The following ZNF816 variants were observed in gnomAD, a reference collection of about 807,000 sequenced individuals.
The protein encoded by ZNF816 is zinc finger protein 816A.
ZNF816 carries 11 observed loss-of-function variants against 8.3 expected under a neutral mutation model. The observed-to-expected ratio is 1.32, with a 90% CI of 0.83 to 2.19. ZNF816 has a LOEUF of 2.19. ZNF816 is among the 30% of genes most tolerant of loss of function. The probability of loss-of-function intolerance (pLI) is 0.00; values close to 1 mark genes in which losing one functional copy is unlikely to be tolerated. For missense variants in ZNF816, 710 were observed against 779.3 expected (o/e 0.91, Z 1.06); for synonymous variants, 255 against 254.5 (o/e 1.00, Z -0.02).
chr19:52,961,126 A>G (rs1055782510), intron 1 of ZNF816, among the ~76,000 whole-genome samples: 1 of 152,234 alleles, frequency 6.6e-6, no homozygotes, highest in Non-Finnish European at 1.5e-5. Context: ...TCTTATTTGT[A>G]TAATTCCACT....
chr19:52,951,083 C>T lies in ZNF816; in HGVS notation c.692G>A (p.Ser231Asn). 6.2e-7 allele frequency: 1 copy of T among 1,614,020 alleles called. No individual in the cohort carries two copies. Residue 231 changes from serine to asparagine, a missense_variant, in exon 4 of 4, where the codon AGT (serine) becomes AAT (asparagine). Physicochemically the swap from Ser to Asn is conservative, Grantham distance 46. Transcript: ENST00000444460. ...EICMREKPCQSNECGKAFNYS... is the reference protein window; with the variant it reads ...EICMREKPCQNNECGKAFNYS... Reference sequence around the variant, plus strand: ...ATTAAAGGCTTTGCCACACTCATTACTTTGGCAAGGTTTTTCTCTCATGCA... The same window carrying T: ...ATTAAAGGCTTTGCCACACTCATTATTTTGGCAAGGTTTTTCTCTCATGCA...
intron 1 of ZNF816, among the ~76,000 whole-genome samples, chr19:52,958,924 T>C (rs1308689326): frequency 2.0e-5 from 3 of 152,224 alleles, no homozygotes; most frequent in Non-Finnish European, 2.9e-5. Context: ...AAGCCTTTCA[T>C]GAGTTAAAAG....
intron 2 of ZNF816, among the ~76,000 whole-genome samples, chr19:52,953,558 AATATGTATT>A: frequency 2.2e-5 from 1 of 45,200 alleles, no homozygotes; most frequent in South Asian, 6.5e-4. Flanking sequence ...TATTATATAT[AATATGTATT>A]TATAAAATAT....
chr19:52,954,468 C>G (rs888267767), intron 2 of ZNF816, among the ~76,000 whole-genome samples: 1 of 152,184 alleles, frequency 6.6e-6, no homozygotes, highest in Non-Finnish European at 1.5e-5. Context: ...AAAGAGTGAG[C>G]TATCTTGTTT....
intron 3 of ZNF816, 47 bp downstream of exon 3, chr19:52,952,704 G>T (rs760280625): frequency 3.7e-6 from 6 of 1,608,820 alleles, no homozygotes; most frequent in Non-Finnish European, 5.1e-6. Context: ...AAAGAGCCAA[G>T]ATAGACAAGT....
At chr19:52,952,624 C>T (rs2011496) in intron 3 of ZNF816, 127 bp downstream of exon 3, 635,585 of 1,535,142 alleles carry the variant, frequency 0.41, 140,368 homozygotes, top group African/African-American at 0.84. Context: ...GGGTCATCAC[C>T]GCAGAAAACA....
chr19:52,959,815 T>C (rs1045404774), intron 1 of ZNF816, among the ~76,000 whole-genome samples: 2 of 152,134 alleles, frequency 1.3e-5, no homozygotes, highest in Non-Finnish European at 2.9e-5. Flanking sequence ...ACCAGCGAGC[T>C]TCCACCTCGG....
Position 52,958,206 on chromosome 19 carries a change from AT to A in ZNF816, c.-15-2103del, listed in dbSNP as rs577324204. Among the ~76,000 whole-genome samples, 172 of 152,280 alleles carry A rather than the reference AT, an allele frequency of 1.1e-3. 1 individual carries two copies. Among genetic ancestry groups the A allele is most frequent in the Middle Eastern group, 0.01 (3 of 294 alleles). On this transcript the variant is annotated intron_variant, in intron 1 of 3. Transcript: ENST00000444460. The stretch of plus-strand genomic sequence containing the variant: ...CTGCCTGTTCCCACGCCAGGGACCA[AT>A]GACTACAGGCCGGTACAGGACTTGC...
intron 1 of ZNF816, among the ~76,000 whole-genome samples, chr19:52,959,002 TGA>T (rs762021828): frequency 2.0e-5 from 3 of 152,244 alleles, no homozygotes; most frequent in Non-Finnish European, 4.4e-5. Flanking sequence ...TGTATGTTTC[TGA>T]GAGAGAAAAT....
At chr19:52,959,722 CAT>C (rs769427508) in intron 1 of ZNF816, among the ~76,000 whole-genome samples, 1 of 152,184 alleles carries the variant, frequency 6.6e-6, no homozygotes, top group South Asian at 2.1e-4. Flanking sequence ...GAGAAAAAGA[CAT>C]AAAATATCAG....
rs1009094615 is a variant in ZNF816 at position 52,957,747 on chromosome 19, C to T, written c.-15-1643G>A. 1.3e-5 allele frequency among the ~76,000 whole-genome samples: 2 copies of T among 152,158 alleles called. No homozygotes were observed. The highest frequency in any genetic ancestry group is 2.9e-5 in the Non-Finnish European group (2 of 68,034). ...GCCCCAGACTTGTACTGTAGGAAGA[C>T]ATAAAGTGATTCACCAGTTCTTGTA... On this transcript the variant is annotated intron_variant, in intron 1 of 3. Transcript: ENST00000444460. This position sits in a 1 kb window ranked among gnomAD's most constrained non-coding sequence, Gnocchi z 4.6.
At chr19:52,956,590 C>A (rs927870266) in intron 1 of ZNF816, among the ~76,000 whole-genome samples, 2 of 152,222 alleles carry the variant, frequency 1.3e-5, no homozygotes, top group Non-Finnish European at 2.9e-5. Context: ...GAGGCCGATG[C>A]AGCTGGATCC....
intron 1 of ZNF816, chr19:52,956,308 C>T: frequency 1.9e-6 from 1 of 526,052 alleles, no homozygotes; most frequent in Non-Finnish European, 3.3e-6. Flanking sequence ...TTGCTCCCCT[C>T]CTGGAAAAGT....
intron 3 of ZNF816, 151 bp downstream of exon 3, chr19:52,952,600 C>A (rs752265049): frequency 2.1e-6 from 3 of 1,437,854 alleles, no homozygotes; most frequent in Non-Finnish European, 2.8e-6. Flanking sequence ...AGAAGCTGTC[C>A]ATGACAGATA....
At position 52,950,539 on chromosome 19, in the gene ZNF816, A is replaced by G. The variant is rs759278118; in HGVS notation, c.1236T>C (p.Leu412=). ...CAGTATGAATCTTCCTATGTCTTTC[A>G]AGGTGTGATCTGCGAATGTAAACAT... ...CDNVYIRRSH[L]ERHRKIHTGE... Residue 412 remains leucine, a synonymous_variant, in exon 4 of 4, where the codon CTT becomes CTC. Transcript: ENST00000444460. 6.2e-7 allele frequency: 1 copy of G among 1,613,628 alleles called. No homozygotes were observed. The highest frequency in any genetic ancestry group is 8.5e-7 in the Non-Finnish European group (1 of 1,179,706).
intron 1 of ZNF816, among the ~76,000 whole-genome samples, chr19:52,959,157 C>T (rs2083535267): frequency 6.6e-6 from 1 of 152,242 alleles, no homozygotes; most frequent in Non-Finnish European, 1.5e-5. Flanking sequence ...GCAGAAGAAG[C>T]AGATAAACTA....
intron 2 of ZNF816, chr19:52,953,258 T>C (rs1384147008): frequency 3.7e-6 from 1 of 273,256 alleles, no homozygotes; most frequent in Non-Finnish European, 7.4e-6. Flanking sequence ...CCAGGTGTGG[T>C]GGCACACGCC....
At chr19:52,953,235 T>TAA in intron 2 of ZNF816, 1 of 186,736 alleles carries the variant, frequency 5.4e-6, no homozygotes, top group South Asian at 4.2e-5. Flanking sequence ...CTACTAAAAA[T>TAA]ACAAAAAAAA....
chr19:52,952,088 A>T (rs918398284), intron 3 of ZNF816, among the ~76,000 whole-genome samples: 2 of 152,004 alleles, frequency 1.3e-5, no homozygotes, highest in Non-Finnish European at 2.9e-5. Context: ...CCAGAATGAA[A>T]GGCCAAGCAT....
Sources: gnomAD v4.1 joint callset for allele counts (sites outside exome capture counted in the v4.1 genomes callset) on GRCh38, gnomAD v4.1.1 for gene constraint, Gnocchi (gnomAD v3.1) non-coding constraint, MANE v1.5 for transcripts, NCBI Gene and HGNC (gene_info 2026-07-23, HGNC 2026-07-21) for gene names.